GNG7: variants seen among roughly 807,000 people sequenced by gnomAD.
GNG7 encodes G protein subunit gamma 7.
In GNG7, 1 loss-of-function variant was observed where a neutral mutation model predicts 4.0. That is an observed-to-expected ratio of 0.25 (90% CI 0.09 to 1.18). GNG7 has a LOEUF of 1.18. Among genes scored for constraint, GNG7 ranks in the 50% most tolerant of loss-of-function variants. GNG7 has a pLI of 0.50. For missense variants in GNG7, 86 were observed against 91.9 expected (o/e 0.94, Z 0.26); for synonymous variants, 34 against 36.9 (o/e 0.92, Z 0.29).
At chr19:2,662,930 A>AC (rs1205529850) in intron 1 of GNG7, among the ~76,000 whole-genome samples, 1 of 152,190 alleles carries the variant, frequency 6.6e-6, no homozygotes, top group Non-Finnish European at 1.5e-5. Context: ...CATCATACAA[A>AC]AAGACATGAC....
At chr19:2,607,997 T>C (rs888272416) in intron 2 of GNG7, among the ~76,000 whole-genome samples, 1 of 147,460 alleles carries the variant, frequency 6.8e-6, no homozygotes, top group African/African-American at 2.5e-5. Context: ...AAAGTTCACC[T>C]GCGACCTGAG....
At chr19:2,641,413 G>A (rs956833668) in intron 2 of GNG7, among the ~76,000 whole-genome samples, 3 of 152,158 alleles carry the variant, frequency 2.0e-5, no homozygotes, top group Non-Finnish European at 4.4e-5. Flanking sequence ...TGATCTGGGG[G>A]CCCCAATGTC....
intron 3 of GNG7, among the ~76,000 whole-genome samples, chr19:2,521,859 C>T (rs542181960): frequency 6.6e-6 from 1 of 152,204 alleles, no homozygotes; most frequent in African/African-American, 2.4e-5. Context: ...GGTGATCCAC[C>T]CTCCTCGGCC....
chr19:2,528,291 G>C (rs1599374293), intron 3 of GNG7, among the ~76,000 whole-genome samples: 1 of 96,252 alleles, frequency 1.0e-5, no homozygotes, highest in Non-Finnish European at 2.1e-5. Flanking sequence ...AAAAAAAAAA[G>C]GCCTGGCTCA....
At position 2,678,126 on chromosome 19, in the gene GNG7, C is replaced by G. The variant is rs189323325; in HGVS notation, c.-135+24520G>C. On this transcript the variant is annotated intron_variant, in intron 1 of 4. Coordinates refer to ENST00000382159, the MANE Select transcript of GNG7 (RefSeq NM_052847.3). ...CTTAGGAAAACAGAACACCAGGCAT[C>G]CAGACCTTCCACTGTGGCCCTGAGT... Among the ~76,000 whole-genome samples, 569 of 152,280 alleles carry G rather than the reference C, an allele frequency of 3.7e-3. 5 individuals carry two copies. Among genetic ancestry groups the G allele is most frequent in the African/African-American group, 0.012 (512 of 41,554 alleles).
chr19:2,688,003 A>C (rs1315722553), intron 1 of GNG7, among the ~76,000 whole-genome samples: 1 of 152,138 alleles, frequency 6.6e-6, no homozygotes, highest in Non-Finnish European at 1.5e-5. Context: ...CTGTAATCCC[A>C]GCACTTTGGG....
chr19:2,525,109 A>G (rs1251555301), intron 3 of GNG7, among the ~76,000 whole-genome samples: 1 of 152,158 alleles, frequency 6.6e-6, no homozygotes, highest in African/African-American at 2.4e-5. Context: ...TGAGTCAGCC[A>G]GGAACGCCCC....
chr19:2,638,856 G>A (rs929720541), intron 2 of GNG7, among the ~76,000 whole-genome samples: 3 of 152,100 alleles, frequency 2.0e-5, no homozygotes, highest in Non-Finnish European at 2.9e-5. Flanking sequence ...ACATGCAATC[G>A]GAACAAAATA....
intron 2 of GNG7, chr19:2,642,842 G>A (rs1428207509): frequency 2.2e-6 from 1 of 456,792 alleles, no homozygotes; most frequent in South Asian, 1.5e-5. Flanking sequence ...GGCAGCCCCA[G>A]GAAGCACCGG....
chr19:2,665,368 G>GC (rs35864238), intron 1 of GNG7, among the ~76,000 whole-genome samples: 2 of 151,976 alleles, frequency 1.3e-5, no homozygotes, highest in Non-Finnish European at 1.5e-5. Context: ...CCCTGGGGGG[G>GC]GGGGGGCAGG....
At chr19:2,518,327 C>T (rs7254775) in intron 4 of GNG7, among the ~76,000 whole-genome samples, 42,479 of 151,988 alleles carry the variant, frequency 0.28, 6,193 homozygotes, top group East Asian at 0.44. Context: ...GCCCTCCGCC[C>T]GGGCTGGGGG....
intron 3 of GNG7, among the ~76,000 whole-genome samples, chr19:2,541,954 G>A (rs955647557): frequency 6.6e-6 from 1 of 151,798 alleles, no homozygotes; most frequent in African/African-American, 2.4e-5. Context: ...GATCAGGGCC[G>A]AGGGCTGAGA....
intron 3 of GNG7, among the ~76,000 whole-genome samples, chr19:2,533,080 T>G (rs1188346981): frequency 6.6e-6 from 1 of 151,968 alleles, no homozygotes; most frequent in Non-Finnish European, 1.5e-5. Flanking sequence ...GCCATGGCAT[T>G]TCACACAATG....
chr19:2,611,615 T>A lies in GNG7; in HGVS notation c.-78+34609A>T, dbSNP rs1981569064. 6.6e-6 allele frequency: 1 copy of A among 152,184 alleles called. No individual in the cohort carries two copies. Among genetic ancestry groups the A allele is most frequent in the African/African-American group, 2.4e-5 (1 of 41,442 alleles). The allele number at this position is 152,184 out of a possible 1,614,324, so 9.4% of individuals were successfully genotyped here. ...ACTTGGAGAGGCCAAGGTGGGAGGA[T>A]AACTTGGGCTCAGAAGGTCGAGACC... On this transcript the variant is annotated intron_variant, in intron 2 of 4. Transcript: ENST00000382159. The surrounding 1 kb of genome is among the most constrained non-coding windows in gnomAD (Gnocchi z 6.0).
chr19:2,514,964 G>A lies in GNG7; in HGVS notation c.*58C>T. 1 of 1,366,024 alleles carries A rather than the reference G, an allele frequency of 7.3e-7. No individual in the cohort carries two copies. Among genetic ancestry groups the A allele is most frequent in the Non-Finnish European group, 1.0e-6 (1 of 965,630 alleles). 84.6% of individuals were successfully genotyped at this position (1,366,024 alleles called of 1,614,324 possible). A position where few individuals can be genotyped will look rare whatever the true frequency, so the allele number is the denominator to read the frequency against. Reference sequence around the variant, plus strand: ...TGATGCCCTGCCTGAGACAGAGACAGAGACAGAGAGAGAGAGAGAGAAAGA... The same window carrying A: ...TGATGCCCTGCCTGAGACAGAGACAAAGACAGAGAGAGAGAGAGAGAAAGA... On this transcript the variant is annotated 3_prime_UTR_variant, in exon 5 of 5. Transcript: ENST00000382159.
intron 2 of GNG7, among the ~76,000 whole-genome samples, chr19:2,603,017 C>T (rs1375157463): frequency 1.4e-5 from 2 of 140,918 alleles, no homozygotes; most frequent in South Asian, 2.2e-4. Context: ...TCTCCCTTTC[C>T]TTTCCCCTTC....
intron 2 of GNG7, among the ~76,000 whole-genome samples, chr19:2,608,383 A>T (rs1478527358): frequency 4.0e-5 from 6 of 151,326 alleles, no homozygotes; most frequent in Non-Finnish European, 8.8e-5. Context: ...CGGGCTCTTC[A>T]CACACACGGG....
In GNG7 at chr19:2,661,779, C is replaced by T. The variant is rs921834362; in HGVS notation, c.-134-15499G>A. ...TGTCAAGGCCAGTTGGAAGCTGAGG[C>T]CTCCACCAACAGCCACATGAGGGCG... On this transcript the variant is annotated intron_variant, in intron 1 of 4. Transcript: ENST00000382159. 2.0e-5 allele frequency among the ~76,000 whole-genome samples: 3 copies of T among 152,194 alleles called. No homozygotes were observed. The South Asian group carries it at 6.2e-4, about 32-fold the overall frequency.
chr19:2,658,518 G>A lies in GNG7; in HGVS notation c.-134-12238C>T, dbSNP rs1983055189. On this transcript the variant is annotated intron_variant, in intron 1 of 4. Coordinates refer to ENST00000382159, the MANE Select transcript of GNG7 (RefSeq NM_052847.3). ...ACCCCAAAGGCAGAGACACCCAAGTGACCACCGAGAGATGAATGGATAAAC... is the reference window on the plus strand; with the variant it reads ...ACCCCAAAGGCAGAGACACCCAAGTAACCACCGAGAGATGAATGGATAAAC... Among the ~76,000 whole-genome samples the A allele has an allele frequency of 2.1e-5, 3 of 144,738 alleles. No individual in the cohort carries two copies. The South Asian group carries it at 6.6e-4, about 32-fold the overall frequency. The allele number at this position is 144,738 out of a possible 152,430, so 95.0% of individuals were successfully genotyped here. A position where few individuals can be genotyped will look rare whatever the true frequency, so the allele number is the denominator to read the frequency against.
Sources: allele counts gnomAD v4.1 joint callset (sites outside exome capture counted in the v4.1 genomes callset), GRCh38; gene constraint gnomAD v4.1.1; non-coding constraint Gnocchi (gnomAD v3.1); transcripts MANE v1.5; gene names NCBI Gene and HGNC (gene_info 2026-07-23, HGNC 2026-07-21).